Variants in SYNGR4 observed in about 807,000 individuals in gnomAD.
SYNGR4 encodes synaptogyrin-4.
A neutral mutation model predicts 15.5 loss-of-function variants in SYNGR4; 15 were observed. That is an observed-to-expected ratio of 0.97 (90% CI 0.65 to 1.49). The LOEUF (loss-of-function observed/expected upper bound fraction) is 1.49, where lower values mean the gene tolerates loss of function less well. Among genes scored for constraint, SYNGR4 ranks in the 40% most tolerant of loss-of-function variants. The probability of loss-of-function intolerance (pLI) is 0.00; values close to 1 mark genes in which losing one functional copy is unlikely to be tolerated. For missense variants in SYNGR4, 292 were observed against 299.3 expected, an observed-to-expected ratio of 0.98 and a Z score of 0.18; for synonymous variants, 121 against 127.4, an observed-to-expected ratio of 0.95 and a Z score of 0.34.
Position 48,376,233 on chromosome 19 carries a change from ACAGCCT to A in SYNGR4, c.621_626del (p.Asn207_Leu209delinsLys). ...GTGAACATGCCCACCACTGGCCCCA[ACAGCCT>A]GAGTTATGCTAGCTCTGCCCTGTCC... On this transcript the variant is annotated inframe_deletion, in exon 5 of 5. Coordinates refer to ENST00000344846, the MANE Select transcript of SYNGR4 (RefSeq NM_012451.4). The A allele has an allele frequency of 6.2e-7, 1 of 1,613,952 alleles. No individual in the cohort carries two copies. Among genetic ancestry groups the A allele is most frequent in the Non-Finnish European group, 8.5e-7 (1 of 1,179,990 alleles).
In SYNGR4 at chr19:48,373,655, C is replaced by T. The variant is rs771021300; in HGVS notation, c.232C>T (p.Leu78Phe). Residue 78 changes from leucine to phenylalanine, a missense_variant, in exon 3 of 5, where the codon CTC becomes TTC. Coordinates refer to ENST00000344846, the MANE Select transcript of SYNGR4 (RefSeq NM_012451.4). Reference protein sequence around the residue: ...FAVGAGFLAFLSCLAFLVLDT... With the variant: ...FAVGAGFLAFFSCLAFLVLDT... ...CGTGGGAGCCGGCTTCCTGGCCTTC[C>T]TCAGCTGCCTGGCCTTCCTCGTCCT... The T allele has an allele frequency of 1.2e-6, 2 of 1,613,824 alleles. No homozygotes were observed. The highest frequency in any genetic ancestry group is 1.7e-6 in the Non-Finnish European group (2 of 1,180,012).
At chr19:48,375,923 C>T (rs371922768) in intron 4 of SYNGR4, 162 bp from the exon 5 acceptor site, 2 of 1,515,076 alleles carry the variant, frequency 1.3e-6, no homozygotes, top group African/African-American at 2.8e-5. Flanking sequence ...TGAGCAGCCA[C>T]AGCCCAGCAT....
chr19:48,369,220 G>GT (rs1176256014), intron 2 of SYNGR4, among the ~76,000 whole-genome samples: 1 of 151,998 alleles, frequency 6.6e-6, no homozygotes, highest in Admixed American at 6.6e-5. Flanking sequence ...CTGCCAGCTG[G>GT]TGCCTTAACT....
intron 3 of SYNGR4, among the ~76,000 whole-genome samples, 189 bp from the exon 4 acceptor site, chr19:48,375,424 G>A (rs532548309): frequency 1.3e-5 from 2 of 152,272 alleles, no homozygotes; most frequent in Admixed American, 1.3e-4. Flanking sequence ...TCACTTTAGG[G>A]AAGGCTAGGA....
chr19:48,369,806 C>T (rs981883011), intron 2 of SYNGR4, among the ~76,000 whole-genome samples: 6 of 152,288 alleles, frequency 3.9e-5, no homozygotes, highest in Non-Finnish European at 7.4e-5. Flanking sequence ...TTCTTGTCCT[C>T]GACCTGACTC....
intron 2 of SYNGR4, among the ~76,000 whole-genome samples, chr19:48,369,371 A>G (rs1382113050): frequency 6.6e-6 from 1 of 152,146 alleles, no homozygotes; most frequent in Non-Finnish European, 1.5e-5. Context: ...CTCATGTCAC[A>G]GCCCAGGGTT....
chr19:48,371,467 C>G (rs1970304598), intron 2 of SYNGR4, among the ~76,000 whole-genome samples: 1 of 152,218 alleles, frequency 6.6e-6, no homozygotes, highest in Non-Finnish European at 1.5e-5. Flanking sequence ...GATAGGAGCC[C>G]CCGCCCTCAA....
chr19:48,373,072 G>C (rs1164607151), intron 2 of SYNGR4: 1 of 174,598 alleles, frequency 5.7e-6, no homozygotes, highest in Non-Finnish European at 1.2e-5. Context: ...GAGTGTGGGG[G>C]AGGCAGGGGT....
chr19:48,372,238 CCATTATCTGAAACA>C (rs796331290), intron 2 of SYNGR4, among the ~76,000 whole-genome samples: 45 of 152,196 alleles, frequency 3.0e-4, no homozygotes, highest in African/African-American at 1.1e-3. Flanking sequence ...TGCCCCAGTT[CCATTATCTGAAACA>C]CAGGGCTGTG....
At chr19:48,373,305 G>T (rs1303312040) in intron 2 of SYNGR4, 2 of 580,718 alleles carry the variant, frequency 3.4e-6, no homozygotes, top group Non-Finnish European at 6.2e-6. Flanking sequence ...CTGGGGCAAG[G>T]GCCAAGGAGA....
rs752940633 is a variant in SYNGR4 at position 48,376,213 on chromosome 19, C to T, written c.600C>T (p.Asn200=). ...LPLPSANSPV[N]MPTTGPNSLS... ...TGCCCTCTGCCAACAGCCCTGTGAA[C>T]ATGCCCACCACTGGCCCCAACAGCC... Residue 200 remains asparagine (N), a synonymous_variant, in exon 5 of 5, where the codon AAC becomes AAT. Coordinates refer to ENST00000344846, the MANE Select transcript of SYNGR4 (RefSeq NM_012451.4). The T allele has an allele frequency of 1.9e-6, 3 of 1,614,166 alleles. No homozygotes were observed. In the South Asian group the frequency reaches 3.3e-5, roughly 18 times the overall value.
At position 48,373,647 on chromosome 19, in the gene SYNGR4, T is replaced by C. The variant is rs562997911; in HGVS notation, c.224T>C (p.Leu75Pro). 43 of 1,613,798 alleles carry C rather than the reference T, an allele frequency of 2.7e-5. No homozygotes were observed. The South Asian group carries it at 4.0e-4, about 15-fold the overall frequency. Residue 75 changes from leucine to proline, a missense_variant, in exon 3 of 5, where the codon CTG becomes CCG. Leu to Pro is a moderately conservative substitution (Grantham distance 98). Transcript: ENST00000344846. ...AGCTTTGCCGTGGGAGCCGGCTTCC[T>C]GGCCTTCCTCAGCTGCCTGGCCTTC... ...ACSFAVGAGF[L>P]AFLSCLAFLV...
At chr19:48,370,913 C>A (rs928859852) in intron 2 of SYNGR4, among the ~76,000 whole-genome samples, 1 of 152,184 alleles carries the variant, frequency 6.6e-6, no homozygotes, top group Non-Finnish European at 1.5e-5. Flanking sequence ...GGTATGTTGG[C>A]CTCTTGTCTT....
Position 48,364,437 on chromosome 19 carries a change from G to C in SYNGR4, c.-208G>C, listed in dbSNP as rs1402146123. On this transcript the variant is annotated 5_prime_UTR_variant, in exon 1 of 5. Coordinates refer to ENST00000344846, the MANE Select transcript of SYNGR4 (RefSeq NM_012451.4). ...GGCGGGCCCTCAGGTGACGCAGATT[G>C]GCCCTCCAGAGAAGGGGCGGCCCCT... 3 of 157,930 alleles carry C rather than the reference G, an allele frequency of 1.9e-5. No homozygotes were observed. The highest frequency in any genetic ancestry group is 4.2e-5 in the Non-Finnish European group (3 of 70,802). The allele number at this position is 157,930 out of a possible 1,614,324, so 9.8% of individuals were successfully genotyped here.
At chr19:48,364,600 C>T (rs1028282641) in intron 1 of SYNGR4, 63 bp downstream of exon 1, 38 of 152,182 alleles carry the variant, frequency 2.5e-4, no homozygotes, top group African/African-American at 8.5e-4. Flanking sequence ...GTCCCGACTC[C>T]CAGCTTGAGG....
chr19:48,372,661 C>T (rs1181563717), intron 2 of SYNGR4, among the ~76,000 whole-genome samples: 3 of 151,062 alleles, frequency 2.0e-5, no homozygotes, highest in Admixed American at 6.6e-5. Context: ...AAAAAAAAAA[C>T]AGACGAGAGG....
intron 1 of SYNGR4, among the ~76,000 whole-genome samples, chr19:48,364,853 C>G (rs1020102096): frequency 1.3e-5 from 2 of 152,056 alleles, no homozygotes; most frequent in South Asian, 2.1e-4. Flanking sequence ...CAGAAGGACC[C>G]AGTCCCTCTG....
intron 1 of SYNGR4, 28 bp from the exon 2 acceptor site, chr19:48,365,708 G>A: frequency 1.4e-6 from 1 of 725,140 alleles, no homozygotes. Context: ...GCCCCTGACT[G>A]GCATCCCCCA....
intron 2 of SYNGR4, among the ~76,000 whole-genome samples, chr19:48,366,844 G>C (rs1249947555): frequency 1.3e-5 from 2 of 152,250 alleles, no homozygotes. Flanking sequence ...GCCACATGTG[G>C]CTGGGGACTC....
Sources: allele counts gnomAD v4.1 joint callset (sites outside exome capture counted in the v4.1 genomes callset), GRCh38; gene constraint gnomAD v4.1.1; transcripts MANE v1.5; gene names NCBI Gene and HGNC (gene_info 2026-07-23, HGNC 2026-07-21).